The following ANKRD31 variants were observed in gnomAD, a reference collection of about 807,000 sequenced individuals.
The protein encoded by ANKRD31 is ankyrin repeat domain-containing protein 31.
ANKRD31 carries 147 observed loss-of-function variants against 186.0 expected under a neutral mutation model. The ratio of observed to expected loss-of-function variants is 0.79; its 90% CI spans 0.69 to 0.91. ANKRD31 has a LOEUF of 0.91. Ranked by LOEUF, ANKRD31 falls within the 40% of genes least tolerant of loss-of-function variation. ANKRD31 has a pLI of 0.00. For synonymous variants in ANKRD31, 673 were observed against 736.4 expected (o/e 0.91, Z 1.39); for missense variants, 1,986 against 2,148.8 (o/e 0.92, Z 1.50).
chr5:75,203,389 C>T (rs780473249), intron 5 of ANKRD31, among the ~76,000 whole-genome samples: 2 of 152,174 alleles, frequency 1.3e-5, no homozygotes, highest in African/African-American at 2.4e-5. Context: ...GGAGGCCGGG[C>T]GCGGTGGCTT....
intron 11 of ANKRD31, among the ~76,000 whole-genome samples, chr5:75,166,085 A>G (rs1752901453): frequency 6.6e-6 from 1 of 152,164 alleles, no homozygotes; most frequent in Non-Finnish European, 1.5e-5. Flanking sequence ...GATTTCTTTA[A>G]AATACTCCAA....
At chr5:75,074,619 G>GT (rs1744485028) in intron 25 of ANKRD31, among the ~76,000 whole-genome samples, 1 of 151,292 alleles carries the variant, frequency 6.6e-6, no homozygotes, top group Non-Finnish European at 1.5e-5. Context: ...TTAAGTAAAT[G>GT]TAAGAATACA....
chr5:75,076,559 G>C (rs115035314), intron 25 of ANKRD31, among the ~76,000 whole-genome samples: 302 of 152,312 alleles, frequency 2.0e-3, no homozygotes, highest in African/African-American at 7.1e-3. Context: ...CCGTCATTTA[G>C]TGGTTTTTAA....
chr5:75,201,735 C>T (rs1395805015), intron 5 of ANKRD31, among the ~76,000 whole-genome samples: 1 of 152,114 alleles, frequency 6.6e-6, no homozygotes, highest in Non-Finnish European at 1.5e-5. Context: ...GTCACACACG[C>T]CTCATTACAC....
intron 11 of ANKRD31, among the ~76,000 whole-genome samples, chr5:75,162,760 T>C (rs1312051050): frequency 6.6e-6 from 1 of 152,328 alleles, no homozygotes. Flanking sequence ...TCTCATGTTA[T>C]GTTTTAATGA....
chr5:75,069,364 T>C (rs746858897), intron 25 of ANKRD31, among the ~76,000 whole-genome samples: 3 of 151,952 alleles, frequency 2.0e-5, no homozygotes, highest in Non-Finnish European at 4.4e-5. Context: ...ACAATATGAG[T>C]GTCACCTCTG....
rs2126737 is a variant in ANKRD31 at position 75,107,338 on chromosome 5, G to C, written c.4340+183C>G. Among the ~76,000 whole-genome samples, 1,255 of 151,986 alleles carry C rather than the reference G, an allele frequency of 8.3e-3. 30 individuals carry two copies. The highest frequency in any genetic ancestry group is 0.028 in the African/African-American group (1,164 of 41,504). On this transcript the variant is annotated intron_variant, in intron 21 of 25. Transcript: ENST00000506364. ...TTTGACTATCCCAAGTAATAGTGTA[G>C]AAAAATACCTTTCTGGGAAGTATAA...
chr5:75,170,253 G>T (rs930677309), intron 10 of ANKRD31, among the ~76,000 whole-genome samples: 17 of 152,028 alleles, frequency 1.1e-4, no homozygotes, highest in Admixed American at 9.8e-4. Context: ...TTAATTCAAA[G>T]ATAACTGTGA....
At chr5:75,115,665 C>A (rs868712503) in intron 19 of ANKRD31, among the ~76,000 whole-genome samples, 70 of 152,202 alleles carry the variant, frequency 4.6e-4, no homozygotes, top group African/African-American at 1.2e-3. Flanking sequence ...AAAATGCTAA[C>A]CATCACTGGC....
intron 10 of ANKRD31, among the ~76,000 whole-genome samples, chr5:75,187,892 G>A (rs1377509827): frequency 5.3e-5 from 8 of 152,080 alleles, no homozygotes; most frequent in Non-Finnish European, 1.5e-5. Flanking sequence ...CATCCAGGCT[G>A]TCCAAGTATT....
intron 25 of ANKRD31, among the ~76,000 whole-genome samples, chr5:75,078,242 G>A (rs982893695): frequency 9.2e-5 from 14 of 152,140 alleles, no homozygotes; most frequent in African/African-American, 3.1e-4. Context: ...TTTAAAAAGC[G>A]CTTAACCACA....
chr5:75,086,218 T>TA (rs1253796432), intron 23 of ANKRD31, among the ~76,000 whole-genome samples: 3 of 152,202 alleles, frequency 2.0e-5, no homozygotes, highest in Non-Finnish European at 4.4e-5. Flanking sequence ...TAAGGTGACT[T>TA]ACATATTCCA....
chr5:75,096,979 A>C (rs1429641341), intron 22 of ANKRD31, among the ~76,000 whole-genome samples: 2 of 152,194 alleles, frequency 1.3e-5, no homozygotes, highest in Admixed American at 1.3e-4. Context: ...GTCCCTACAA[A>C]GGACATGAAC....
At position 75,146,252 on chromosome 5, in the gene ANKRD31, A is replaced by T. The variant is rs1453146902; in HGVS notation, c.3159T>A (p.Ile1053=). ...CACAATTCTTTGCCATCTTTTCCAC[A>T]ATATGTGTATCTGTTTGATTCATTA... ...TFLMNQTDTH[I]VEKMAKNCDT... The change falls in exon 14 of 26, where the codon ATT becomes ATA. Residue 1053 remains isoleucine (I), a synonymous_variant. Coordinates refer to ENST00000506364, the MANE Select transcript of ANKRD31 (RefSeq NM_001372053.1). 1 of 1,536,352 alleles carries T rather than the reference A, an allele frequency of 6.5e-7. No individual in the cohort carries two copies. The highest frequency in any genetic ancestry group is 2.4e-5 in the East Asian group (1 of 40,884).
At chr5:75,074,344 C>T (rs1744462955) in intron 25 of ANKRD31, among the ~76,000 whole-genome samples, 1 of 152,204 alleles carries the variant, frequency 6.6e-6, no homozygotes, top group Admixed American at 6.5e-5. Context: ...TTCTCCTCTA[C>T]TGCACTAGGT....
rs1237436361 is a variant in ANKRD31, at chr5:75,222,261, A to G, written c.276T>C (p.Asp92=). 3 of 1,534,572 alleles carry G rather than the reference A, an allele frequency of 2.0e-6. No individual in the cohort carries two copies. The African/African-American group carries it at 4.1e-5, about 21-fold the overall frequency. Reference sequence around the variant, plus strand: ...ACATGCTACACACCTGTAATATTGTATCCTCGCTAAGAACAGGCATCATCT... The same window carrying G: ...ACATGCTACACACCTGTAATATTGTGTCCTCGCTAAGAACAGGCATCATCT... ...KNKMMPVLSE[D]TILQSQDETE... is the part of the protein sequence containing the mutation. The change falls in exon 3 of 26, where the codon GAT becomes GAC. Residue 92 remains aspartate, a synonymous_variant. Transcript: ENST00000506364.
intron 20 of ANKRD31, among the ~76,000 whole-genome samples, chr5:75,110,843 A>G (rs886427065): frequency 4.0e-5 from 6 of 148,914 alleles, no homozygotes; most frequent in African/African-American, 1.2e-4. Flanking sequence ...TAATGTGTAC[A>G]CTGCTAGTAG....
intron 10 of ANKRD31, among the ~76,000 whole-genome samples, chr5:75,170,185 G>C (rs954769402): frequency 6.6e-6 from 1 of 151,902 alleles, no homozygotes; most frequent in African/African-American, 2.4e-5. Context: ...CGGATATGGG[G>C]GAATAAATGG....
At chr5:75,151,624 T>C (rs1434502469) in intron 12 of ANKRD31, among the ~76,000 whole-genome samples, 3 of 152,176 alleles carry the variant, frequency 2.0e-5, no homozygotes, top group African/African-American at 7.2e-5. Context: ...CTTTATAAGT[T>C]ACCCAGTCTC....
Sources: allele counts gnomAD v4.1 joint callset (sites outside exome capture counted in the v4.1 genomes callset), GRCh38; gene constraint gnomAD v4.1.1; transcripts MANE v1.5; gene names NCBI Gene and HGNC (gene_info 2026-07-23, HGNC 2026-07-21).